TG: variants seen among roughly 807,000 people sequenced by gnomAD.
TG encodes thyroid hormones.
Under a neutral mutation model 324.7 loss-of-function variants are expected in TG, and 270 were observed. The observed-to-expected ratio is 0.83, with a 90% confidence interval of 0.75 to 0.92. The LOEUF (loss-of-function observed/expected upper bound fraction) is 0.92, where lower values mean the gene tolerates loss of function less well. TG is among the 40% of genes least tolerant of loss of function. The pLI, the probability that TG is intolerant of heterozygous loss-of-function variation, is 0.00. For missense variants in TG, 3,591 were observed against 3,456.4 expected, an observed-to-expected ratio of 1.04 and a Z score of -0.98; for synonymous variants, 1,401 against 1,327.0, an observed-to-expected ratio of 1.06 and a Z score of -1.21.
chr8:132,871,612 G>T, intron 4 of TG, 61 bp downstream of exon 4: 1 of 1,544,554 alleles, frequency 6.5e-7, no homozygotes, highest in Non-Finnish European at 8.9e-7. Flanking sequence ...TTTCCTCACT[G>T]CGATCCAACA....
chr8:132,893,017 GTGTGTGGTATGTGTGTA>G (rs950959959), intron 10 of TG, among the ~76,000 whole-genome samples: 1 of 149,826 alleles, frequency 6.7e-6, no homozygotes, highest in Non-Finnish European at 1.5e-5. Flanking sequence ...TGGTGTGTGT[GTGTGTGGTATGTGTGTA>G]TGGTATGTGA....
At chr8:132,948,292 T>TGAGCGA (rs988874262) in intron 26 of TG, among the ~76,000 whole-genome samples, 4 of 150,116 alleles carry the variant, frequency 2.7e-5, no homozygotes, top group African/African-American at 9.9e-5. Context: ...AGAGCGAGAG[T>TGAGCGA]GAGCGAGAGC....
At chr8:133,094,845 A>C (rs1848168419) in intron 41 of TG, 199 bp from the exon 42 acceptor site, 1 of 697,236 alleles carries the variant, frequency 1.4e-6, no homozygotes, top group African/African-American at 1.8e-5. Context: ...GCCTAGAGAG[A>C]CATCTTCAGT....
At chr8:133,040,585 C>T (rs751710782) in intron 41 of TG, among the ~76,000 whole-genome samples, 4 of 152,048 alleles carry the variant, frequency 2.6e-5, no homozygotes, top group Non-Finnish European at 5.9e-5. Flanking sequence ...CTGCATACAG[C>T]GCTGATCCCC....
At chr8:132,898,501 C>T (rs1200319094) in intron 13 of TG, among the ~76,000 whole-genome samples, 2 of 152,218 alleles carry the variant, frequency 1.3e-5, no homozygotes, top group African/African-American at 2.4e-5. Flanking sequence ...GGTTCTCCCC[C>T]TCTGTACATC....
At chr8:132,983,889 A>AGCCCAGGT (rs1464194931) in intron 35 of TG, 1 of 239,378 alleles carries the variant, frequency 4.2e-6, no homozygotes, top group African/African-American at 2.3e-5. Context: ...TGAGTCCAGG[A>AGCCCAGGT]GCCCAGGTGC....
At chr8:132,912,276 A>G (rs1395211882) in intron 19 of TG, among the ~76,000 whole-genome samples, 1 of 152,190 alleles carries the variant, frequency 6.6e-6, no homozygotes, top group African/African-American at 2.4e-5. Context: ...ATTGTGAATT[A>G]GGGGTCCCCT....
intron 39 of TG, among the ~76,000 whole-genome samples, chr8:133,020,034 T>C (rs1318896659): frequency 6.6e-6 from 1 of 152,204 alleles, no homozygotes; most frequent in Non-Finnish European, 1.5e-5. Context: ...GATAGATTGA[T>C]AAATCGATTA....
chr8:132,934,127 G>A (rs1823209038), intron 24 of TG, among the ~76,000 whole-genome samples: 1 of 152,176 alleles, frequency 6.6e-6, no homozygotes, highest in Non-Finnish European at 1.5e-5. Context: ...AAGGTCAGGA[G>A]TTCGACACCA....
At chr8:132,898,096 A>ACACTCCAGG (rs1817382416) in intron 12 of TG, 73 bp from the exon 13 acceptor site, 1 of 1,419,010 alleles carries the variant, frequency 7.0e-7, no homozygotes, top group Non-Finnish European at 9.8e-7. Flanking sequence ...GAAGAAGGAA[A>ACACTCCAGG]GTTGTTTATG....
At position 132,886,719 on chromosome 8, in the gene TG, C is replaced by T; in HGVS notation, c.1347C>T (p.Pro449=). 9 of 1,614,216 alleles carry T rather than the reference C, an allele frequency of 5.6e-6. No homozygotes were observed. The highest frequency in any genetic ancestry group is 4.0e-5 in the African/African-American group (3 of 75,062). ...AAGAAGCCATCCGAGCAATTTTTCC[C>T]TCCCGAGGGCTGGCTCGTCTTGCCC... ...LLKEAIRAIF[P]SRGLARLALQ... Residue 449 remains proline (P), a synonymous_variant, in exon 9 of 48, where the codon CCC becomes CCT. Coordinates refer to ENST00000220616, the MANE Select transcript of TG (RefSeq NM_003235.5).
Position 133,040,282 on chromosome 8 carries a change from A to G in TG, c.7239+10259A>G, listed in dbSNP as rs568295670. On this transcript the variant is annotated intron_variant, in intron 41 of 47. Coordinates refer to ENST00000220616, the MANE Select transcript of TG (RefSeq NM_003235.5). ...CAAAGGGGCATGGTAGGTGGTGACA[A>G]TGCTGAAAGTCACGCGCCCAGCTGT... 12 of 800,232 alleles carry G rather than the reference A, an allele frequency of 1.5e-5. No homozygotes were observed. The Admixed American group carries it at 1.6e-4, about 11-fold the overall frequency. The allele number at this position is 800,232 out of a possible 1,614,324, so 49.6% of individuals were successfully genotyped here.
rs1378561530 is a variant in TG, at chr8:132,901,524, G to A, written c.3605G>A (p.Arg1202His). The change falls in exon 16 of 48, where the codon CGC (arginine) becomes CAC (histidine). Residue 1202 changes from arginine (R) to histidine (H), a missense_variant. Arg to His is a conservative substitution (Grantham distance 29). Coordinates refer to ENST00000220616, the MANE Select transcript of TG (RefSeq NM_003235.5). ...AGCGGAGAAGAGGTGCCTGGGACGC[G>A]CGTGACCGGGGGCCAGCCCGCCTGT... ...MDSGEEVPGT[R>H]VTGGQPACES... 24 of 1,613,556 alleles carry A rather than the reference G, an allele frequency of 1.5e-5. No homozygotes were observed. Among genetic ancestry groups the A allele is most frequent in the Admixed American group, 3.3e-5 (2 of 60,016 alleles).
At chr8:132,998,182 A>T (rs1382692290) in intron 35 of TG, among the ~76,000 whole-genome samples, 4 of 152,166 alleles carry the variant, frequency 2.6e-5, no homozygotes, top group African/African-American at 9.7e-5. Flanking sequence ...GGGAAAGATA[A>T]AATGGCTTAT....
At chr8:132,917,329 A>AGGAGGAATC (rs1469224463) in intron 20 of TG, among the ~76,000 whole-genome samples, 1 of 151,892 alleles carries the variant, frequency 6.6e-6, no homozygotes, top group Non-Finnish European at 1.5e-5. Context: ...TTGAAAGGTG[A>AGGAGGAATC]GGAGGAATCG....
At chr8:132,920,176 C>A (rs1820913200) in intron 21 of TG, among the ~76,000 whole-genome samples, 1 of 152,210 alleles carries the variant, frequency 6.6e-6, no homozygotes, top group Admixed American at 6.5e-5. Context: ...GTATGGGTGG[C>A]CTTCCCATAT....
At chr8:132,886,309 C>A in intron 8 of TG, 139 bp from the exon 9 acceptor site, 3 of 1,228,762 alleles carry the variant, frequency 2.4e-6, no homozygotes, top group Admixed American at 2.0e-5. Context: ...TAAAATGACA[C>A]AGAGAAGAAA....
At chr8:132,987,135 T>G (rs1322065001) in intron 35 of TG, among the ~76,000 whole-genome samples, 4 of 152,216 alleles carry the variant, frequency 2.6e-5, no homozygotes, top group African/African-American at 9.6e-5. Flanking sequence ...AGTAGGTGTT[T>G]CCAAGGTGGA....
chr8:132,981,081 G>C (rs1175232146), intron 34 of TG, among the ~76,000 whole-genome samples: 1 of 152,136 alleles, frequency 6.6e-6, no homozygotes, highest in Non-Finnish European at 1.5e-5. Flanking sequence ...AGGATTCTCA[G>C]GGCTCATCTC....
Sources: gnomAD v4.1 joint callset for allele counts (sites outside exome capture counted in the v4.1 genomes callset) on GRCh38, gnomAD v4.1.1 for gene constraint, MANE v1.5 for transcripts, NCBI Gene and HGNC (gene_info 2026-07-23, HGNC 2026-07-21) for gene names.